Variants in DNAH3 observed in about 807,000 individuals in gnomAD.
The protein encoded by DNAH3 is axonemal beta dynein heavy chain 3.
A neutral mutation model predicts 432.5 loss-of-function variants in DNAH3; 332 were observed. The observed-to-expected ratio is 0.77, with a 90% CI of 0.70 to 0.84. The LOEUF (loss-of-function observed/expected upper bound fraction) is 0.84. Among genes scored for constraint, DNAH3 ranks in the 40% least tolerant of loss-of-function variants. The pLI is 0.00. For synonymous variants in DNAH3, 1,956 were observed against 1,900.2 expected (o/e 1.03, Z -0.76); for missense variants, 4,861 against 5,114.0 (o/e 0.95, Z 1.51).
chr16:21,082,378 T>G (rs2091219314), intron 19 of DNAH3, among the ~76,000 whole-genome samples: 1 of 152,144 alleles, frequency 6.6e-6, no homozygotes, highest in Non-Finnish European at 1.5e-5. Flanking sequence ...TTTAAAAATT[T>G]TTTTGTAGAG....
chr16:21,087,175 A>G, intron 18 of DNAH3, 115 bp from the exon 19 acceptor site: 1 of 859,182 alleles, frequency 1.2e-6, no homozygotes, highest in Non-Finnish European at 1.9e-6. Context: ...TGGAACACAT[A>G]CAGGCTTTGA....
At chr16:20,951,881 C>T (rs2084331778) in intron 56 of DNAH3, among the ~76,000 whole-genome samples, 1 of 151,738 alleles carries the variant, frequency 6.6e-6, no homozygotes, top group Non-Finnish European at 1.5e-5. Flanking sequence ...GTAGCTGGGA[C>T]TACAGGCACT....
chr16:21,097,558 ACACCAGGG>A, intron 17 of DNAH3, 59 bp from the exon 18 acceptor site: 1 of 1,598,318 alleles, frequency 6.3e-7, no homozygotes, highest in South Asian at 1.1e-5. Context: ...GCCCTCGAAG[ACACCAGGG>A]CAAATTCCTC....
chr16:21,125,439 C>T, intron 8 of DNAH3, 69 bp from the exon 10 acceptor site: 1 of 1,376,932 alleles, frequency 7.3e-7, no homozygotes, highest in Non-Finnish European at 9.7e-7. Flanking sequence ...TGCCGTGCCC[C>T]CTGAGCTCAG....
exon 43 of DNAH3, chr16:21,000,247 C>T (rs1049726920): frequency 3.1e-6 from 5 of 1,613,842 alleles, no homozygotes; most frequent in African/African-American, 1.3e-5. Flanking sequence ...TGCTTTCTTC[C>T]CTATGGGAGG....
chr16:21,042,960 T>C (rs901341448), intron 31 of DNAH3, among the ~76,000 whole-genome samples: 78 of 152,292 alleles, frequency 5.1e-4, no homozygotes, highest in Non-Finnish European at 9.3e-4. Context: ...CTGAGAATGA[T>C]GATTTCCAGT....
intron 34 of DNAH3, 32 bp from the exon 35 acceptor site, chr16:21,036,880 G>A: frequency 6.4e-7 from 1 of 1,569,292 alleles, no homozygotes; most frequent in Non-Finnish European, 8.8e-7. Flanking sequence ...AAAGTGGAAA[G>A]GATAAAGTAT....
At chr16:20,963,895 A>G in exon 53 of DNAH3, 1 of 1,614,164 alleles carries the variant, frequency 6.2e-7, no homozygotes. Context: ...CAAGGAATGC[A>G]TGTAGAGATT....
At chr16:20,955,271 C>T (rs2084511125) in intron 54 of DNAH3, among the ~76,000 whole-genome samples, 2 of 152,120 alleles carry the variant, frequency 1.3e-5, no homozygotes, top group Middle Eastern at 3.4e-3. Context: ...CAAAACTATG[C>T]TAAGCATTTA....
At chr16:21,031,134 A>G in exon 37 of DNAH3, 1 of 1,614,146 alleles carries the variant, frequency 6.2e-7, no homozygotes, top group Non-Finnish European at 8.5e-7. Flanking sequence ...CGATCATCAG[A>G]GAGTGAAGAC....
exon 5 of DNAH3, chr16:21,140,605 G>A (rs201448297): frequency 1.3e-5 from 21 of 1,613,934 alleles, no homozygotes; most frequent in Non-Finnish European, 1.5e-5. Context: ...ACATGACATC[G>A]AGCTGCTGTT....
intron 20 of DNAH3, among the ~76,000 whole-genome samples, chr16:21,080,116 G>GT (rs60869585): frequency 0.22 from 34,145 of 152,088 alleles, 4,193 homozygotes; most frequent in South Asian, 0.34. Flanking sequence ...GGCCAATGTG[G>GT]TGAAACCCCG....
rs552531284 is a variant in DNAH3, at chr16:21,009,456, G to A, written c.6023-6249C>T. 4.6e-5 allele frequency among the ~76,000 whole-genome samples: 7 copies of A among 152,276 alleles called. No homozygotes were observed. The East Asian group carries it at 1.4e-3, about 29-fold the overall frequency. On this transcript the variant is annotated intron_variant, in intron 41 of 61. Transcript: ENST00000261383. ...ACTTAAGGATAATTTTTATTTAATA[G>A]AATAGAATCGCTTTTACAATAAAAA...
chr16:21,063,277 A>AT (rs1270230794), intron 24 of DNAH3, among the ~76,000 whole-genome samples: 1 of 151,996 alleles, frequency 6.6e-6, no homozygotes, highest in Non-Finnish European at 1.5e-5. Context: ...TGAAATTTGT[A>AT]TTTTTTTAAA....
chr16:21,150,230 ATAAAAAAT>A lies in DNAH3; in HGVS notation c.118-4150_118-4143del. 3.4e-5 allele frequency: 13 copies of A among 378,230 alleles called. No homozygotes were observed. In the Middle Eastern group the frequency reaches 1.4e-3, roughly 40 times the overall value. The allele number at this position is 378,230 out of a possible 1,614,324, so 23.4% of individuals were successfully genotyped here. ...ACAAAGAGCAAAACTCTGTCTCAAA[ATAAAAAAT>A]AAAAAAAAAAAATACAGGTAAAACA... On this transcript the variant is annotated intron_variant, in intron 1 of 61. Transcript: ENST00000261383.
At chr16:20,943,641 C>T (rs1015567132) in intron 58 of DNAH3, among the ~76,000 whole-genome samples, 2 of 152,194 alleles carry the variant, frequency 1.3e-5, no homozygotes, top group African/African-American at 4.8e-5. Context: ...GCCAGCAAAG[C>T]CTCAGCTCAG....
chr16:20,987,751 A>T (rs769402579), exon 46 of DNAH3: 1 of 1,614,190 alleles, frequency 6.2e-7, no homozygotes. Context: ...GAAGTCCCGC[A>T]GGTTAAAGAC....
intron 1 of DNAH3, chr16:21,159,236 C>T: frequency 8.5e-7 from 1 of 1,176,466 alleles, no homozygotes; most frequent in Non-Finnish European, 1.3e-6. Context: ...GGCTTCTTTA[C>T]CCCCAAATTA....
At chr16:21,082,586 T>C (rs1284168037) in intron 19 of DNAH3, among the ~76,000 whole-genome samples, 2 of 152,214 alleles carry the variant, frequency 1.3e-5, no homozygotes, top group East Asian at 1.9e-4. Context: ...TCCCAGCACT[T>C]TGGGAGGCTG....
Sources: gnomAD v4.1 joint callset for allele counts (sites outside exome capture counted in the v4.1 genomes callset) on GRCh38, gnomAD v4.1.1 for gene constraint, MANE v1.5 for transcripts, NCBI Gene and HGNC (gene_info 2026-07-23, HGNC 2026-07-21) for gene names.